DPP10: variants seen among roughly 807,000 people sequenced by gnomAD.
The protein encoded by DPP10 is dipeptidyl peptidase like 10, also known as inactive dipeptidyl peptidase 10.
A neutral mutation model predicts 120.9 loss-of-function variants in DPP10; 33 were observed. The observed-to-expected ratio is 0.27, with a 90% confidence interval of 0.21 to 0.37. DPP10 has a LOEUF of 0.37. DPP10 is among the 10% of genes least tolerant of loss of function. DPP10 has a pLI of 1.00. For synonymous variants in DPP10, 337 were observed against 326.1 expected (o/e 1.03, Z -0.36); for missense variants, 816 against 942.8 (o/e 0.87, Z 1.76).
chr2:115,403,381 CTTTTTTTTTTTTTTTTTTTTTT>C lies in DPP10; in HGVS notation c.271+59484_271+59505del, dbSNP rs78116780. ...TACTTCTCTCTTTCTTTCTTTCCTT[CTTTTTTTTTTTTTTTTTTTTTT>C]TTTTTTTTTTTTTTGATACAGAGTC... On this transcript the variant is annotated intron_variant, in intron 3 of 25. Coordinates refer to ENST00000410059, the MANE Select transcript of DPP10 (RefSeq NM_020868.6). Among the ~76,000 whole-genome samples the C allele has an allele frequency of 1.0e-3, 118 of 118,466 alleles. 6 individuals are homozygous for C. In the South Asian group the frequency reaches 0.022, roughly 23 times the overall value. The allele number at this position is 118,466 out of a possible 152,430, so 77.7% of individuals were successfully genotyped here.
intron 1 of DPP10, among the ~76,000 whole-genome samples, chr2:114,816,755 T>G (rs1685671472): frequency 6.6e-6 from 1 of 152,144 alleles, no homozygotes; most frequent in Admixed American, 6.6e-5. Flanking sequence ...GAATAAATAA[T>G]TACCCAAAGA....
intron 1 of DPP10, among the ~76,000 whole-genome samples, chr2:115,133,155 A>G (rs1436338582): frequency 1.5e-4 from 18 of 123,466 alleles, no homozygotes; most frequent in African/African-American, 4.4e-4. Context: ...GTATATATAT[A>G]TATATATATA....
intron 1 of DPP10, among the ~76,000 whole-genome samples, chr2:114,941,222 T>G (rs951495297): frequency 2.0e-5 from 3 of 152,238 alleles, no homozygotes; most frequent in Admixed American, 6.5e-5. Flanking sequence ...ATAGACACTA[T>G]TCAAATCTCT....
intron 1 of DPP10, among the ~76,000 whole-genome samples, chr2:114,730,284 T>A (rs1177289980): frequency 1.3e-5 from 2 of 152,078 alleles, no homozygotes; most frequent in African/African-American, 2.4e-5. Flanking sequence ...GGTTATACAG[T>A]GGAGAGTAGA....
At chr2:115,730,410 A>G (rs1474043366) in intron 8 of DPP10, among the ~76,000 whole-genome samples, 1 of 152,162 alleles carries the variant, frequency 6.6e-6, no homozygotes, top group Non-Finnish European at 1.5e-5. Flanking sequence ...AACAAGGAGC[A>G]GTGGGTTTCA....
intron 7 of DPP10, among the ~76,000 whole-genome samples, chr2:115,690,359 T>G (rs1272622444): frequency 6.6e-6 from 1 of 152,218 alleles, no homozygotes; most frequent in African/African-American, 2.4e-5. Context: ...ATTTTGAAAT[T>G]ATTACAAACT....
At chr2:115,590,606 CAA>C (rs2082595038) in intron 5 of DPP10, among the ~76,000 whole-genome samples, 1 of 152,116 alleles carries the variant, frequency 6.6e-6, no homozygotes, top group South Asian at 2.1e-4. Flanking sequence ...TTTGCTATTG[CAA>C]ATAGTGCCAC....
At chr2:115,685,289 A>C (rs2090924100) in intron 5 of DPP10, among the ~76,000 whole-genome samples, 1 of 151,968 alleles carries the variant, frequency 6.6e-6, no homozygotes, top group African/African-American at 2.4e-5. Context: ...TATTTTTCTA[A>C]ACTGTATAAA....
At chr2:115,732,555 A>G (rs2092936363) in intron 8 of DPP10, among the ~76,000 whole-genome samples, 2 of 152,220 alleles carry the variant, frequency 1.3e-5, no homozygotes, top group Admixed American at 1.3e-4. Flanking sequence ...ATTCACTTAA[A>G]TTGCTGTATT....
At chr2:114,737,968 G>A (rs1453111241) in intron 1 of DPP10, among the ~76,000 whole-genome samples, 2 of 152,208 alleles carry the variant, frequency 1.3e-5, no homozygotes, top group Non-Finnish European at 2.9e-5. Flanking sequence ...CGGTTCTGCA[G>A]GTTGTAGAGG....
At chr2:114,593,130 G>A (rs148693006) in intron 1 of DPP10, among the ~76,000 whole-genome samples, 2,041 of 152,232 alleles carry the variant, frequency 0.013, 18 homozygotes, top group Non-Finnish European at 0.021. Flanking sequence ...CCAAACCACT[G>A]GAGGCAGCCT....
intron 1 of DPP10, among the ~76,000 whole-genome samples, chr2:114,798,848 G>A (rs1683938663): frequency 6.6e-6 from 1 of 152,110 alleles, no homozygotes; most frequent in Non-Finnish European, 1.5e-5. Flanking sequence ...ATATTATGGG[G>A]CTGGGCATGG....
intron 1 of DPP10, among the ~76,000 whole-genome samples, chr2:114,627,896 G>A (rs568409479): frequency 6.6e-6 from 1 of 152,164 alleles, no homozygotes; most frequent in East Asian, 1.9e-4. Context: ...GTCAGAAGAC[G>A]GTGCATTATG....
At chr2:115,781,060 G>A (rs1039870423) in intron 16 of DPP10, 65 bp downstream of exon 16, 1 of 1,330,930 alleles carries the variant, frequency 7.5e-7, no homozygotes, top group Non-Finnish European at 1.0e-6. Flanking sequence ...ATATCTGTTG[G>A]TATCAGCAAC....
intron 1 of DPP10, among the ~76,000 whole-genome samples, chr2:115,085,517 C>G (rs1314231405): frequency 6.6e-6 from 1 of 152,120 alleles, no homozygotes; most frequent in African/African-American, 2.4e-5. Flanking sequence ...AGATATTACA[C>G]TTAGAAAATG....
At chr2:114,911,249 T>G (rs1694347220) in intron 1 of DPP10, among the ~76,000 whole-genome samples, 1 of 152,202 alleles carries the variant, frequency 6.6e-6, no homozygotes, top group African/African-American at 2.4e-5. Context: ...TCTTACGGTA[T>G]CAAGTTGACA....
chr2:115,325,109 C>T (rs540370380), intron 2 of DPP10, among the ~76,000 whole-genome samples: 6 of 151,972 alleles, frequency 3.9e-5, no homozygotes, highest in Admixed American at 3.3e-4. Flanking sequence ...TGAGAATTAC[C>T]GAAGTTTGAC....
intron 2 of DPP10, among the ~76,000 whole-genome samples, chr2:115,343,090 CT>C (rs2063530000): frequency 6.6e-6 from 1 of 152,128 alleles, no homozygotes; most frequent in Non-Finnish European, 1.5e-5. Flanking sequence ...TGCAATATTC[CT>C]GTCTTTAGCC....
At position 115,782,285 on chromosome 2, in the gene DPP10, T is replaced by A; in HGVS notation, c.1484-67T>A. Reference sequence around the variant, plus strand: ...CATTTGGGGGGAAAAAACTATTATGTAAACTTTCTAATGATTATTACTTAG... The same window carrying A: ...CATTTGGGGGGAAAAAACTATTATGAAAACTTTCTAATGATTATTACTTAG... On this transcript the variant is annotated intron_variant, in intron 16 of 25. Transcript: ENST00000410059. 2.8e-6 allele frequency: 4 copies of A among 1,419,990 alleles called. No individual in the cohort carries two copies. In the South Asian group the frequency reaches 4.8e-5, roughly 17 times the overall value. 88.0% of individuals were successfully genotyped at this position (1,419,990 alleles called of 1,614,324 possible). A position where few individuals can be genotyped will look rare whatever the true frequency, so the allele number is the denominator to read the frequency against.
Sources: gnomAD v4.1 joint callset for allele counts (sites outside exome capture counted in the v4.1 genomes callset) on GRCh38, gnomAD v4.1.1 for gene constraint, MANE v1.5 for transcripts, NCBI Gene and HGNC (gene_info 2026-07-23, HGNC 2026-07-21) for gene names.